Variants in FAM171B observed in about 807,000 individuals in gnomAD.
FAM171B encodes the protein family with sequence similarity 171 member B.
Under a neutral mutation model 75.6 loss-of-function variants are expected in FAM171B, and 19 were observed. That is an observed-to-expected ratio of 0.25 (90% CI 0.18 to 0.37). FAM171B has a LOEUF of 0.37. Ranked by LOEUF, FAM171B falls within the 10% of genes least tolerant of loss-of-function variation. The pLI is 1.00. For missense variants in FAM171B, 848 were observed against 982.4 expected (o/e 0.86, Z 1.83); for synonymous variants, 367 against 361.7 (o/e 1.01, Z -0.17).
At chr2:186,729,433 TA>T (rs200938569) in intron 1 of FAM171B, among the ~76,000 whole-genome samples, 15,308 of 150,496 alleles carry the variant, frequency 0.1, 965 homozygotes, top group Non-Finnish European at 0.14. Flanking sequence ...AATGCCAAAG[TA>T]TTTTTTTTTT....
chr2:186,698,244 G>C (rs1456916668), intron 1 of FAM171B, among the ~76,000 whole-genome samples: 1 of 152,070 alleles, frequency 6.6e-6, no homozygotes, highest in Non-Finnish European at 1.5e-5. Context: ...GAGACACAGG[G>C]GATCTCCAGG....
At chr2:186,705,213 A>G (rs1689718192) in intron 1 of FAM171B, among the ~76,000 whole-genome samples, 1 of 152,202 alleles carries the variant, frequency 6.6e-6, no homozygotes, top group African/African-American at 2.4e-5. Context: ...TTTTAACTAC[A>G]TATACATTAA....
intron 1 of FAM171B, among the ~76,000 whole-genome samples, chr2:186,725,392 T>TA (rs1690018460): frequency 6.6e-6 from 1 of 152,082 alleles, no homozygotes; most frequent in Admixed American, 6.6e-5. Context: ...TTTCATCTGT[T>TA]ACGCCAAACA....
At chr2:186,726,549 T>C (rs1351256055) in intron 1 of FAM171B, among the ~76,000 whole-genome samples, 1 of 152,166 alleles carries the variant, frequency 6.6e-6, no homozygotes, top group Non-Finnish European at 1.5e-5. Flanking sequence ...TTCTGAACTT[T>C]CAGCCCTCAT....
rs1240837901 is a variant in FAM171B, at chr2:186,761,623, A to T, written c.1281A>T (p.Leu427Phe). Reference protein sequence around the residue: ...VALKAEDKSQLFNAKNSSYSP... With the variant: ...VALKAEDKSQFFNAKNSSYSP... ...TAAAAGCTGAGGACAAGTCGCAGTTATTCAATGCCAAAAACTCCTCATATA... is the reference window on the plus strand; with the variant it reads ...TAAAAGCTGAGGACAAGTCGCAGTTTTTCAATGCCAAAAACTCCTCATATA... The change falls in exon 8 of 8, where the codon TTA (leucine) becomes TTT (phenylalanine). Residue 427 changes from leucine to phenylalanine, a missense_variant. By Grantham distance (22) the Leu-to-Phe change is conservative (BLOSUM62 0). This residue lies in a region of FAM171B where 665 missense variants were observed against 729.0 expected (regional missense o/e 0.91). Transcript: ENST00000304698. 23 of 1,613,366 alleles carry T rather than the reference A, an allele frequency of 1.4e-5. No homozygotes were observed. Among genetic ancestry groups the T allele is most frequent in the Non-Finnish European group, 1.9e-5 (23 of 1,179,638 alleles).
chr2:186,699,755 G>A (rs902817771), intron 1 of FAM171B, among the ~76,000 whole-genome samples: 2 of 152,064 alleles, frequency 1.3e-5, no homozygotes, highest in African/African-American at 4.8e-5. Flanking sequence ...CATAGTTTGA[G>A]GTCTTAGATT....
chr2:186,703,176 T>C (rs1689687895), intron 1 of FAM171B, among the ~76,000 whole-genome samples: 1 of 151,668 alleles, frequency 6.6e-6, no homozygotes. Context: ...GCCTCCTGGG[T>C]TCAAGCGATT....
rs1233107706 is a variant in FAM171B, at chr2:186,764,157, C to G, written c.*1334C>G. 1 of 152,038 alleles carries G rather than the reference C, an allele frequency of 6.6e-6. No homozygotes were observed. Among genetic ancestry groups the G allele is most frequent in the East Asian group, 1.9e-4 (1 of 5,198 alleles). The allele number at this position is 152,038 out of a possible 1,614,324, so 9.4% of individuals were successfully genotyped here. On this transcript the variant is annotated 3_prime_UTR_variant, in exon 8 of 8. Transcript: ENST00000304698. ...TTAAAATTTCCCTGAAGGCAAATGT[C>G]TGAAGCACCTTTCCCTTGTGGGGGT...
chr2:186,743,822 C>G (rs1690328286), intron 3 of FAM171B, among the ~76,000 whole-genome samples: 1 of 152,176 alleles, frequency 6.6e-6, no homozygotes, highest in African/African-American at 2.4e-5. Flanking sequence ...CTGTAGAGAA[C>G]TTCTGTTCTT....
At chr2:186,710,714 C>A (rs1001093655) in intron 1 of FAM171B, among the ~76,000 whole-genome samples, 1 of 152,000 alleles carries the variant, frequency 6.6e-6, no homozygotes, top group Non-Finnish European at 1.5e-5. Flanking sequence ...ATTTTATTGT[C>A]ATTTAAATTT....
At chr2:186,706,351 T>A (rs934822030) in intron 1 of FAM171B, among the ~76,000 whole-genome samples, 3 of 152,218 alleles carry the variant, frequency 2.0e-5, no homozygotes, top group African/African-American at 7.2e-5. Context: ...ATTAATATCA[T>A]CTCTAAACTC....
At position 186,743,523 on chromosome 2, in the gene FAM171B, A is replaced by G; in HGVS notation, c.513A>G (p.Gln171=). Residue 171 remains glutamine (Q), a synonymous_variant, in exon 3 of 8, where the codon CAA becomes CAG. Transcript: ENST00000304698. ...SVTLSLFPQS[Q]ANIWLFEDTV... ...CACTTTCACTGTTCCCGCAAAGCCA[A>G]GCAAATATATGGCTATTTGAAGACA... The G allele has an allele frequency of 1.1e-5, 17 of 1,613,382 alleles. No individual in the cohort carries two copies. The highest frequency in any genetic ancestry group is 1.4e-5 in the Non-Finnish European group (17 of 1,179,424).
At position 186,706,380 on chromosome 2, in the gene FAM171B, C is replaced by T. The variant is rs1251368128; in HGVS notation, c.238+11969C>T. Reference sequence around the variant, plus strand: ...TAAACTCAGTGAAACCCATATTTTTCTTTTTTTGATTCACACTTCTCATGA... The same window carrying T: ...TAAACTCAGTGAAACCCATATTTTTTTTTTTTTGATTCACACTTCTCATGA... On this transcript the variant is annotated intron_variant, in intron 1 of 7. Coordinates refer to ENST00000304698, the MANE Select transcript of FAM171B (RefSeq NM_177454.4). 2.6e-5 allele frequency among the ~76,000 whole-genome samples: 4 copies of T among 152,146 alleles called. No homozygotes were observed. The East Asian group carries it at 7.7e-4, about 29-fold the overall frequency.
intron 1 of FAM171B, among the ~76,000 whole-genome samples, chr2:186,711,816 A>T (rs1455855406): frequency 2.6e-5 from 4 of 152,194 alleles, no homozygotes; most frequent in Non-Finnish European, 4.4e-5. Context: ...TTTATAGTCC[A>T]AACTCCAGCA....
At position 186,740,454 on chromosome 2, in the gene FAM171B, A is replaced by G. The variant is rs1690272785; in HGVS notation, c.465A>G (p.Arg155=). ...VLTPLPWKTR[R]MPIYSSVTLS... ...CCCCTCTGCCTTGGAAAACCAGAAG[A>G]ATGCCAAGTAAGCACTTAAACAGTT... The change falls in exon 2 of 8, where the codon AGA becomes AGG. Residue 155 remains arginine, a synonymous_variant. Coordinates refer to ENST00000304698, the MANE Select transcript of FAM171B (RefSeq NM_177454.4). 5 of 1,607,804 alleles carry G rather than the reference A, an allele frequency of 3.1e-6. No homozygotes were observed. The highest frequency in any genetic ancestry group is 4.3e-6 in the Non-Finnish European group (5 of 1,176,150).
chr2:186,694,224 C>A lies in FAM171B; in HGVS notation c.51C>A (p.Ala17=), dbSNP rs1276885204. The change falls in exon 1 of 8, where the codon GCC becomes GCA. Residue 17 remains alanine (A), a synonymous_variant. Transcript: ENST00000304698. Reference sequence around the variant, plus strand: ...CCTGCACCCTGCTTCTCGGCCTGGCCGTGGTGCTGCTGAAAGCGCGGCTGG... The same window carrying A: ...CCTGCACCCTGCTTCTCGGCCTGGCAGTGGTGCTGCTGAAAGCGCGGCTGG... ...RVPCTLLLGL[A]VVLLKARLVP... The A allele has an allele frequency of 1.1e-5, 18 of 1,610,342 alleles. No homozygotes were observed. Among genetic ancestry groups the A allele is most frequent in the African/African-American group, 4.0e-5 (3 of 74,920 alleles).
At chr2:186,744,557 C>T (rs1279028403) in intron 3 of FAM171B, among the ~76,000 whole-genome samples, 1 of 152,120 alleles carries the variant, frequency 6.6e-6, no homozygotes, top group Non-Finnish European at 1.5e-5. Context: ...GACAGAGTTT[C>T]GCTCTTGTTG....
chr2:186,745,452 C>T (rs1690352578), intron 3 of FAM171B, among the ~76,000 whole-genome samples: 1 of 152,196 alleles, frequency 6.6e-6, no homozygotes, highest in African/African-American at 2.4e-5. Flanking sequence ...AAGTACTGGC[C>T]ATGCCTTGGC....
chr2:186,727,006 C>T (rs995265209), intron 1 of FAM171B, among the ~76,000 whole-genome samples: 1 of 152,120 alleles, frequency 6.6e-6, no homozygotes, highest in Non-Finnish European at 1.5e-5. Context: ...TGATCTCTTT[C>T]TCCTTTTTCT....
Sources: gnomAD v4.1 joint callset for allele counts (sites outside exome capture counted in the v4.1 genomes callset) on GRCh38, gnomAD v4.1.1 for gene constraint, gnomAD v4.1.1 regional missense constraint, MANE v1.5 for transcripts, NCBI Gene and HGNC (gene_info 2026-07-23, HGNC 2026-07-21) for gene names.